GRID2: variants seen among roughly 807,000 people sequenced by gnomAD.
GRID2 encodes the protein glutamate receptor ionotropic, delta-2.
In GRID2, 33 loss-of-function variants were observed where a neutral mutation model predicts 114.8. The ratio of observed to expected loss-of-function variants is 0.29; its 90% CI spans 0.22 to 0.38. The LOEUF is 0.38. GRID2 is among the 10% of genes least tolerant of loss of function. GRID2 has a pLI of 1.00. For synonymous variants in GRID2, 505 were observed against 449.9 expected (o/e 1.12, Z -1.55); for missense variants, 1,184 against 1,257.7 (o/e 0.94, Z 0.89).
intron 2 of GRID2, among the ~76,000 whole-genome samples, chr4:92,760,311 T>A (rs1415555577): frequency 6.6e-6 from 1 of 151,796 alleles, no homozygotes; most frequent in East Asian, 1.9e-4. Context: ...GCTGTGCTGT[T>A]CCACCCAGAT....
At chr4:92,940,744 C>T (rs1203691851) in intron 2 of GRID2, among the ~76,000 whole-genome samples, 1 of 152,032 alleles carries the variant, frequency 6.6e-6, no homozygotes, top group African/African-American at 2.4e-5. Context: ...TACATCCCAT[C>T]AATACCTAAT....
intron 2 of GRID2, among the ~76,000 whole-genome samples, chr4:93,004,385 A>C (rs559873044): frequency 2.4e-4 from 37 of 152,074 alleles, no homozygotes; most frequent in African/African-American, 7.2e-4. Context: ...CATCACCAGC[A>C]CCATCAGCCT....
chr4:93,258,724 A>G (rs760802676), intron 8 of GRID2, among the ~76,000 whole-genome samples: 40 of 151,966 alleles, frequency 2.6e-4, no homozygotes, highest in Non-Finnish European at 5.2e-4. Flanking sequence ...ATTAAATGAC[A>G]GCTTTTAAAA....
Position 93,653,760 on chromosome 4 carries a change from G to A in GRID2, c.2360+27325G>A, listed in dbSNP as rs75126353. 8.0e-3 allele frequency among the ~76,000 whole-genome samples: 1,216 copies of A among 152,086 alleles called. 18 individuals are homozygous for A. The highest frequency in any genetic ancestry group is 0.027 in the African/African-American group (1,134 of 41,502). On this transcript the variant is annotated intron_variant, in intron 14 of 15. Coordinates refer to ENST00000282020, the MANE Select transcript of GRID2 (RefSeq NM_001510.4). Reference sequence around the variant, plus strand: ...CTACTTTTAGTGCATGAAAGATGTGGTTACTCTCTGAGATGAGAGTATAAT... The same window carrying A: ...CTACTTTTAGTGCATGAAAGATGTGATTACTCTCTGAGATGAGAGTATAAT...
chr4:93,159,316 G>C (rs1168218907), intron 4 of GRID2, among the ~76,000 whole-genome samples: 1 of 151,800 alleles, frequency 6.6e-6, no homozygotes, highest in East Asian at 1.9e-4. Flanking sequence ...AGGAGTGCTG[G>C]ATCCAGGACT....
chr4:92,343,001 T>C (rs189687796), intron 1 of GRID2, among the ~76,000 whole-genome samples: 21 of 152,324 alleles, frequency 1.4e-4, no homozygotes, highest in Admixed American at 1.0e-3. Context: ...GAATGAAATA[T>C]ATAATATGAA....
At chr4:93,806,013 C>A (rs1229392183) in intron 1 of GRID2, among the ~76,000 whole-genome samples, 2 of 152,108 alleles carry the variant, frequency 1.3e-5, no homozygotes, top group Non-Finnish European at 2.9e-5. Flanking sequence ...ATAAGAATTG[C>A]TTGAATCCCA....
chr4:92,577,838 G>T (rs1263364251), intron 1 of GRID2, among the ~76,000 whole-genome samples: 1 of 152,002 alleles, frequency 6.6e-6, no homozygotes, highest in Non-Finnish European at 1.5e-5. Flanking sequence ...TTTGTCAAAG[G>T]AAAAACAATA....
chr4:93,476,782 T>G (rs1398668606), intron 11 of GRID2, among the ~76,000 whole-genome samples: 1 of 152,142 alleles, frequency 6.6e-6, no homozygotes, highest in Non-Finnish European at 1.5e-5. Context: ...TGGGACATAT[T>G]CCTCCATTGT....
chr4:93,621,784 T>G (rs1374887824), intron 13 of GRID2, among the ~76,000 whole-genome samples: 1 of 152,240 alleles, frequency 6.6e-6, no homozygotes, highest in East Asian at 1.9e-4. Context: ...CTATGCAACC[T>G]TTCATTGCCA....
Position 93,714,156 on chromosome 4 carries a change from T to G in GRID2, c.2361-55054T>G, listed in dbSNP as rs538315570. Among the ~76,000 whole-genome samples, 14 of 152,186 alleles carry G rather than the reference T, an allele frequency of 9.2e-5. No homozygotes were observed. The South Asian group carries it at 2.9e-3, about 32-fold the overall frequency. ...TCCCTGTGTCCGTGCGTTCTCATTG[T>G]TCGGTTCCCACATGTAAGTGAGAAC... On this transcript the variant is annotated intron_variant, in intron 14 of 15. Coordinates refer to ENST00000282020, the MANE Select transcript of GRID2 (RefSeq NM_001510.4).
intron 14 of GRID2, among the ~76,000 whole-genome samples, chr4:93,725,292 G>A (rs183426457): frequency 4.6e-5 from 7 of 152,248 alleles, no homozygotes; most frequent in Admixed American, 2.6e-4. Flanking sequence ...TTTCATCCAT[G>A]TCCCTTCAAA....
At chr4:92,329,787 G>A (rs1726783131) in intron 1 of GRID2, among the ~76,000 whole-genome samples, 1 of 151,908 alleles carries the variant, frequency 6.6e-6, no homozygotes, top group African/African-American at 2.4e-5. Context: ...GAAAAAACAG[G>A]AGCAAAATGG....
At chr4:92,700,292 C>T (rs1734605588) in intron 2 of GRID2, among the ~76,000 whole-genome samples, 1 of 152,284 alleles carries the variant, frequency 6.6e-6, no homozygotes, top group Middle Eastern at 3.4e-3. Flanking sequence ...ATAGGTCTCT[C>T]CTTGTCATTT....
intron 13 of GRID2, among the ~76,000 whole-genome samples, chr4:93,535,817 T>G (rs990873601): frequency 1.7e-4 from 26 of 152,030 alleles, no homozygotes; most frequent in Non-Finnish European, 3.2e-4. Context: ...AGATGTATGG[T>G]TTGCAAATAT....
At chr4:92,670,786 A>G (rs1420395095) in intron 2 of GRID2, among the ~76,000 whole-genome samples, 1 of 152,104 alleles carries the variant, frequency 6.6e-6, no homozygotes, top group Non-Finnish European at 1.5e-5. Context: ...TTTCTACATT[A>G]CAAATGAGAA....
At chr4:92,337,460 G>T (rs1727246858) in intron 1 of GRID2, among the ~76,000 whole-genome samples, 2 of 152,092 alleles carry the variant, frequency 1.3e-5, no homozygotes, top group East Asian at 1.9e-4. Context: ...AACTGAGTGA[G>T]GAAAGCAGAA....
chr4:93,121,596 G>A (rs2149362748), intron 4 of GRID2, among the ~76,000 whole-genome samples: 1 of 152,194 alleles, frequency 6.6e-6, no homozygotes, highest in East Asian at 1.9e-4. Context: ...ATTACAGATA[G>A]GGGTTCTATA....
At chr4:92,770,049 T>G (rs1738464433) in intron 2 of GRID2, among the ~76,000 whole-genome samples, 1 of 152,232 alleles carries the variant, frequency 6.6e-6, no homozygotes, top group South Asian at 2.1e-4. Flanking sequence ...TATCCTCTGC[T>G]AATCTTATAA....
Sources: allele counts gnomAD v4.1 joint callset (sites outside exome capture counted in the v4.1 genomes callset), GRCh38; gene constraint gnomAD v4.1.1; transcripts MANE v1.5; gene names NCBI Gene and HGNC (gene_info 2026-07-23, HGNC 2026-07-21).